Variants in C11orf65 observed in about 807,000 individuals in gnomAD.
C11orf65 encodes the protein protein MFI.
In C11orf65, 38 loss-of-function variants were observed where a neutral mutation model predicts 35.3. The observed-to-expected ratio is 1.08, with a 90% confidence interval of 0.83 to 1.41. The LOEUF is 1.41. Ranked by LOEUF, C11orf65 falls within the 40% of genes most tolerant of loss-of-function variation. C11orf65 has a pLI of 0.00. For synonymous variants in C11orf65, 105 were observed against 114.4 expected (o/e 0.92, Z 0.53); for missense variants, 370 against 367.1 (o/e 1.01, Z -0.06).
chr11:108,421,923 T>C (rs1013390845), intron 3 of C11orf65, among the ~76,000 whole-genome samples: 16 of 152,150 alleles, frequency 1.1e-4, no homozygotes, highest in Non-Finnish European at 1.5e-5. Context: ...CCAATAAAGT[T>C]GATTCTGATG....
At chr11:108,431,631 A>T in intron 3 of C11orf65, 115 bp downstream of exon 3, 1 of 514,438 alleles carries the variant, frequency 1.9e-6, no homozygotes, top group Non-Finnish European at 3.3e-6. Flanking sequence ...TATGTGTAAT[A>T]CTTTAATAAA....
intron 6 of C11orf65, among the ~76,000 whole-genome samples, chr11:108,322,783 C>T (rs1162057096): frequency 6.6e-6 from 1 of 152,016 alleles, no homozygotes; most frequent in Non-Finnish European, 1.5e-5. Flanking sequence ...CCCTGGCCCA[C>T]CCAGATAAAA....
chr11:108,418,729 C>G (rs992555160), intron 3 of C11orf65, among the ~76,000 whole-genome samples: 3 of 151,008 alleles, frequency 2.0e-5, no homozygotes, highest in African/African-American at 7.3e-5. Context: ...TTGGAAAAGA[C>G]CAATAAAAGT....
At chr11:108,330,157 T>C, downstream of C11orf65, 1 of 1,555,176 alleles carries the variant, frequency 6.4e-7, no homozygotes, top group Non-Finnish European at 8.8e-7. Context: ...ATGTGTGATT[T>C]TGTAGTTCTG....
chr11:108,382,027 T>C (rs2091876682), downstream of C11orf65, among the ~76,000 whole-genome samples: 1 of 152,138 alleles, frequency 6.6e-6, no homozygotes, highest in Non-Finnish European at 1.5e-5. Context: ...ATCAAGGAAT[T>C]GAGGCCTCCT....
chr11:108,385,668 C>A (rs1218234750), intron 8 of C11orf65, among the ~76,000 whole-genome samples: 5 of 139,820 alleles, frequency 3.6e-5, no homozygotes, highest in Non-Finnish European at 6.1e-5. Flanking sequence ...GGCGACAGAG[C>A]AAGACTCCGT....
At chr11:108,317,652 T>TATATATATATATATATACACACACAC (rs1399501257) in intron 6 of C11orf65, 3 of 117,458 alleles carry the variant, frequency 2.6e-5, no homozygotes, top group African/African-American at 1.5e-4. Context: ...TATATATATA[T>TATATATATATATATATACACACACAC]ACACACACAC....
intron 6 of C11orf65, among the ~76,000 whole-genome samples, chr11:108,309,688 C>T (rs1165695979): frequency 4.6e-5 from 7 of 152,134 alleles, no homozygotes; most frequent in Admixed American, 3.9e-4. Flanking sequence ...AGTAACTCAA[C>T]CTAGGCAATA....
intron 2 of C11orf65, among the ~76,000 whole-genome samples, chr11:108,452,568 C>G (rs925568882): frequency 6.6e-5 from 10 of 152,150 alleles, no homozygotes; most frequent in Non-Finnish European, 1.2e-4. Context: ...TAAACTAGTT[C>G]AACCATTGTA....
chr11:108,458,498 T>C lies in C11orf65; in HGVS notation c.81+2981A>G, dbSNP rs972863927. On this transcript the variant is annotated intron_variant, in intron 2 of 8. Coordinates refer to ENST00000393084, the MANE Select transcript of C11orf65 (RefSeq NM_152587.5). Reference sequence around the variant, plus strand: ...AGCCTCTCAGGATCAGCACAAATCATGCAGTGGTGAACAGACTTGGGTGTC... The same window carrying C: ...AGCCTCTCAGGATCAGCACAAATCACGCAGTGGTGAACAGACTTGGGTGTC... Among the ~76,000 whole-genome samples, 33 of 152,060 alleles carry C rather than the reference T, an allele frequency of 2.2e-4. 1 individual carries two copies. Among genetic ancestry groups the C allele is most frequent in the Non-Finnish European group, 3.7e-4 (25 of 68,018 alleles).
Position 108,365,152 on chromosome 11 carries a change from C to T in C11orf65, c.226+28056G>A, listed in dbSNP as rs139379666. ...AAAGCTTTGTATTTACAGCAGAGGC[C>T]GGAAGATGAAACTGAGCTTCACCCT... On this transcript the variant is annotated intron_variant, in intron 2 of 3. Coordinates refer to the C11orf65 transcript ENST00000524755. 158 of 1,614,118 alleles carry T rather than the reference C, an allele frequency of 9.8e-5. No homozygotes were observed. In the East Asian group the frequency reaches 2.3e-3, roughly 23 times the overall value.
chr11:108,331,097 T>C, downstream of C11orf65: 1 of 950,862 alleles, frequency 1.1e-6, no homozygotes, highest in Non-Finnish European at 1.3e-6. Context: ...AAGCAATTAC[T>C]TCATTTTATT....
chr11:108,388,284 A>T (rs1257781330), intron 7 of C11orf65, among the ~76,000 whole-genome samples: 1 of 152,196 alleles, frequency 6.6e-6, no homozygotes. Flanking sequence ...TTTAAAAAGA[A>T]CTTCTCATAA....
chr11:108,383,922 G>C (rs1056049825), intron 8 of C11orf65, among the ~76,000 whole-genome samples: 2 of 146,390 alleles, frequency 1.4e-5, no homozygotes, highest in African/African-American at 5.1e-5. Flanking sequence ...CCAGGCTAGA[G>C]TGCAGTGGCG....
chr11:108,393,340 T>C lies in C11orf65; in HGVS notation c.599A>G (p.His200Arg), dbSNP rs1340592294. ...SGSLEAKSTH[H>R]ETLGLIHTAT... is the part of the protein sequence containing the mutation. ...AGTGTGAATTAGTCCTAGAGTTTCA[T>C]GATGTGTTGACTTAGCCTCCAGACT... is the stretch of plus-strand genomic sequence containing the variant. Residue 200 changes from histidine to arginine, a missense_variant, in exon 7 of 9, where the codon CAT (histidine) becomes CGT (arginine). Physicochemically the swap from His to Arg is conservative, Grantham distance 29 (BLOSUM62 0). Coordinates refer to ENST00000393084, the MANE Select transcript of C11orf65 (RefSeq NM_152587.5). 1.2e-6 allele frequency: 2 copies of C among 1,613,946 alleles called. No homozygotes were observed. The highest frequency in any genetic ancestry group is 1.6e-4 in the Middle Eastern group (1 of 6,080).
chr11:108,466,024 T>C (rs2093532855), intron 1 of C11orf65, among the ~76,000 whole-genome samples: 2 of 150,336 alleles, frequency 1.3e-5, no homozygotes, highest in African/African-American at 4.9e-5. Context: ...AAACGACAGA[T>C]TCTAAAGCAT....
rs1565656821 is a variant in C11orf65 at position 108,406,941 on chromosome 11, T to C, written c.251A>G (p.Tyr84Cys). ...LGGVKFPPDI[Y>C]YKIFTHRPIE... The stretch of plus-strand genomic sequence containing the variant: ...AGGTCTGTGAGTAAAAATCTTATAG[T>C]ATATATCAGGTGGAAATTTAACCTG... Residue 84 changes from tyrosine to cysteine, a missense_variant, in exon 5 of 9, where the codon TAC becomes TGC. Coordinates refer to ENST00000393084, the MANE Select transcript of C11orf65 (RefSeq NM_152587.5). 6.2e-7 allele frequency: 1 copy of C among 1,610,984 alleles called. No homozygotes were observed. The highest frequency in any genetic ancestry group is 8.5e-7 in the Non-Finnish European group (1 of 1,177,518).
At chr11:108,325,677 G>T (rs2085606450) in intron 6 of C11orf65, 2 of 833,664 alleles carry the variant, frequency 2.4e-6, no homozygotes, top group Non-Finnish European at 3.6e-6. Context: ...AAAAATAATT[G>T]TTTAAGAGTT....
intron 3 of C11orf65, chr11:108,334,942 T>C (rs1273319734): frequency 1.2e-6 from 2 of 1,602,204 alleles, no homozygotes; most frequent in South Asian, 1.1e-5. Flanking sequence ...TCTGACCTAT[T>C]ATCAATCATG....
Sources: gnomAD v4.1 joint callset for allele counts (sites outside exome capture counted in the v4.1 genomes callset) on GRCh38, gnomAD v4.1.1 for gene constraint, MANE v1.5 for transcripts, NCBI Gene and HGNC (gene_info 2026-07-23, HGNC 2026-07-21) for gene names.